The following TENT5D variants were observed in gnomAD, a reference collection of about 807,000 sequenced individuals.
TENT5D encodes the protein cancer/testis antigen 112.
For synonymous variants in TENT5D, 103 were observed against 100.6 expected (o/e 1.02, Z -0.15); for missense variants, 191 against 287.0 (o/e 0.67, Z 2.42).
chrX:80,381,862 CTT>C (rs991683602), intron 3 of TENT5D, among the ~76,000 whole-genome samples: 2 of 111,829 alleles, frequency 1.8e-5, no homozygotes, highest in African/African-American at 6.5e-5. Context: ...TTCATCTAAT[CTT>C]TTTTCAAGGT....
intron 3 of TENT5D, among the ~76,000 whole-genome samples, chrX:80,348,030 A>G (rs748038481): frequency 2.3e-4 from 26 of 111,785 alleles, no homozygotes; most frequent in Admixed American, 3.8e-4. Context: ...CTGTTGGTCT[A>G]TATATCTGTT....
intron 3 of TENT5D, among the ~76,000 whole-genome samples, chrX:80,412,848 C>T (rs1931699459): frequency 1.8e-5 from 2 of 111,539 alleles, no homozygotes; most frequent in South Asian, 7.4e-4. Flanking sequence ...TTAAAGTTTT[C>T]TTGTTAAACA....
Position 80,362,884 on chromosome X carries a change from GA to G in TENT5D, c.-142+20329del, listed in dbSNP as rs779757553. 1.8e-4 allele frequency among the ~76,000 whole-genome samples: 19 copies of G among 108,328 alleles called. No homozygotes were observed. In the South Asian group the frequency reaches 1.9e-3, roughly 11 times the overall value. The allele number at this position is 108,328 out of a possible 115,157, so 94.1% of individuals were successfully genotyped here. A position where few individuals can be genotyped will look rare whatever the true frequency, so the allele number is the denominator to read the frequency against. On this transcript the variant is annotated intron_variant, in intron 3 of 4. Transcript: ENST00000538312. ...TCTTCATCTATTATTTTCATTGTCAGAAAAAAAAAGTGTTTCTAGGTTAAGG... is the reference window on the plus strand; with the variant it reads ...TCTTCATCTATTATTTTCATTGTCAGAAAAAAAAGTGTTTCTAGGTTAAGG...
intron 3 of TENT5D, among the ~76,000 whole-genome samples, chrX:80,372,369 T>C (rs1325127705): frequency 8.9e-6 from 1 of 111,811 alleles, no homozygotes; most frequent in Non-Finnish European, 1.9e-5. Flanking sequence ...ATTCATTTTG[T>C]GTATTTATTT....
At chrX:80,341,663 C>T (rs1267073295) in intron 2 of TENT5D, among the ~76,000 whole-genome samples, 1 of 111,039 alleles carries the variant, frequency 9.0e-6, no homozygotes, top group African/African-American at 3.3e-5. Flanking sequence ...ATTGTAAAAA[C>T]CATTGTTTGT....
intron 2 of TENT5D, among the ~76,000 whole-genome samples, chrX:80,341,272 G>T (rs1431275719): frequency 8.9e-6 from 1 of 112,241 alleles, no homozygotes; most frequent in Non-Finnish European, 1.9e-5. Context: ...TTTATATATT[G>T]CAAATGATGA....
At chrX:80,408,831 T>C (rs1396256508) in intron 3 of TENT5D, among the ~76,000 whole-genome samples, 5 of 110,564 alleles carry the variant, frequency 4.5e-5, no homozygotes, top group African/African-American at 1.7e-4. Flanking sequence ...TTGATGAACA[T>C]TGATGCAAAA....
At chrX:80,413,165 C>G (rs1931705081) in intron 3 of TENT5D, among the ~76,000 whole-genome samples, 1 of 111,599 alleles carries the variant, frequency 9.0e-6, no homozygotes, top group Admixed American at 9.6e-5. Context: ...ATTTTTAAAA[C>G]CATATTATTT....
chrX:80,371,931 T>A (rs1162283123), intron 3 of TENT5D, among the ~76,000 whole-genome samples: 3 of 111,730 alleles, frequency 2.7e-5, no homozygotes, highest in African/African-American at 9.8e-5. Context: ...GTATTTGCAT[T>A]CATAAATTGG....
chrX:80,383,246 T>C, intron 3 of TENT5D, among the ~76,000 whole-genome samples: 1 of 112,270 alleles, frequency 8.9e-6, no homozygotes. Context: ...ATTTTAGAGA[T>C]ATTTCTCATA....
chrX:80,355,923 G>A (rs755777376), intron 3 of TENT5D, among the ~76,000 whole-genome samples: 54 of 111,384 alleles, frequency 4.8e-4, no homozygotes, highest in Non-Finnish European at 9.2e-4. Context: ...AGGGTGTCCC[G>A]GTATCCTATC....
chrX:80,427,781 G>A (rs1295766022), intron 1 of TENT5D, among the ~76,000 whole-genome samples: 1 of 111,788 alleles, frequency 8.9e-6, no homozygotes, highest in East Asian at 2.8e-4. Flanking sequence ...CTAATTTCAG[G>A]GGTTTAATGA....
In TENT5D at chrX:80,432,732, C is replaced by T. The variant is rs183123725; in HGVS notation, c.-141-5878C>T. 1.5e-3 allele frequency among the ~76,000 whole-genome samples: 171 copies of T among 110,618 alleles called. 3 individuals carry two copies. Among genetic ancestry groups the T allele is most frequent in the Admixed American group, 0.015 (152 of 10,382 alleles). On this transcript the variant is annotated intron_variant, in intron 1 of 2. Coordinates refer to ENST00000308293, the Ensembl canonical transcript of TENT5D. The stretch of plus-strand genomic sequence containing the variant: ...TCTCATGTCCAGGAGAATTAAGGAG[C>T]GCAGAAACAAGGGTGAGATTGGAGC...
At chrX:80,434,226 G>T (rs1445392470) in intron 1 of TENT5D, among the ~76,000 whole-genome samples, 2 of 104,490 alleles carry the variant, frequency 1.9e-5, no homozygotes. Context: ...AAAAAAGACA[G>T]ATCAGGATAT....
chrX:80,381,249 T>C (rs1930860524), intron 3 of TENT5D, among the ~76,000 whole-genome samples: 1 of 112,093 alleles, frequency 8.9e-6, no homozygotes, highest in Non-Finnish European at 1.9e-5. Context: ...AAATTCTGGG[T>C]TGAAACTTCT....
At chrX:80,347,349 AG>A (rs1930084738) in intron 3 of TENT5D, among the ~76,000 whole-genome samples, 1 of 111,973 alleles carries the variant, frequency 8.9e-6, no homozygotes, top group African/African-American at 3.2e-5. Context: ...TGTTGTTTCC[AG>A]ACTTTTTAAT....
chrX:80,401,127 T>C (rs1418604201), intron 3 of TENT5D, among the ~76,000 whole-genome samples: 1 of 111,880 alleles, frequency 8.9e-6, no homozygotes, highest in East Asian at 2.8e-4. Flanking sequence ...ATAAAAGTCT[T>C]TCACCTGTTT....
At chrX:80,388,071 G>C (rs1414444711) in intron 3 of TENT5D, among the ~76,000 whole-genome samples, 1 of 110,345 alleles carries the variant, frequency 9.1e-6, no homozygotes, top group African/African-American at 3.3e-5. Context: ...AAGGGCCAAG[G>C]GCTCTTCATT....
intron 3 of TENT5D, among the ~76,000 whole-genome samples, chrX:80,361,541 A>G (rs1309681788): frequency 8.9e-6 from 1 of 111,931 alleles, no homozygotes; most frequent in Admixed American, 9.5e-5. Context: ...CAGTCCAATT[A>G]ATGGTGTATA....
Sources: allele counts gnomAD v4.1 joint callset (sites outside exome capture counted in the v4.1 genomes callset), GRCh38; gene constraint gnomAD v4.1.1; transcripts MANE v1.5; gene names NCBI Gene and HGNC (gene_info 2026-07-23, HGNC 2026-07-21).